Variants in SHISA9 observed in about 807,000 individuals in gnomAD.
The protein encoded by SHISA9 is shisa family member 9.
In SHISA9, 13 loss-of-function variants were observed where a neutral mutation model predicts 38.0. The ratio of observed to expected loss-of-function variants is 0.34; its 90% CI spans 0.22 to 0.54. SHISA9 has a LOEUF of 0.54. Among genes scored for constraint, SHISA9 ranks in the 20% least tolerant of loss-of-function variants. SHISA9 has a pLI of 0.91. For synonymous variants in SHISA9, 275 were observed against 242.0 expected (o/e 1.14, Z -1.27); for missense variants, 538 against 575.8 (o/e 0.93, Z 0.67).
the SHISA9 span, among the ~76,000 whole-genome samples, chr16:13,472,701 A>C: frequency 2.6e-5 from 4 of 152,006 alleles, no homozygotes; most frequent in African/African-American, 9.7e-5. Context: ...CTCTGCTAAA[A>C]TTTTTAAATG....
chr16:13,502,914 C>G, the SHISA9 span, among the ~76,000 whole-genome samples: 1 of 151,834 alleles, frequency 6.6e-6, no homozygotes, highest in Non-Finnish European at 1.5e-5. Context: ...TAAAATAAAT[C>G]TACTGGGAAA....
chr16:13,412,296 T>C, the SHISA9 span, among the ~76,000 whole-genome samples: 1 of 152,080 alleles, frequency 6.6e-6, no homozygotes, highest in Non-Finnish European at 1.5e-5. Context: ...ATGAGTTACA[T>C]GGGCTGGGAG....
chr16:13,396,225 G>A, the SHISA9 span, among the ~76,000 whole-genome samples: 3 of 152,258 alleles, frequency 2.0e-5, no homozygotes, highest in Non-Finnish European at 4.4e-5. Flanking sequence ...TAAATCAATC[G>A]GCCGGATGCA....
intron 2 of SHISA9, among the ~76,000 whole-genome samples, chr16:13,160,576 G>A (rs1283220376): frequency 5.9e-5 from 9 of 152,172 alleles, no homozygotes; most frequent in Admixed American, 3.9e-4. Flanking sequence ...GTTGGGTCAC[G>A]TTTTGTCAAT....
At chr16:13,042,437 G>C (rs568257196) in intron 2 of SHISA9, among the ~76,000 whole-genome samples, 1 of 152,088 alleles carries the variant, frequency 6.6e-6, no homozygotes, top group Non-Finnish European at 1.5e-5. Flanking sequence ...GCTGACCCAG[G>C]CTTCCCAAAC....
the SHISA9 span, among the ~76,000 whole-genome samples, chr16:13,290,951 C>T: frequency 1.3e-5 from 2 of 152,132 alleles, no homozygotes; most frequent in Non-Finnish European, 2.9e-5. Context: ...CCCATTGTAT[C>T]ATAGAGTTCT....
chr16:13,340,337 T>C, the SHISA9 span, among the ~76,000 whole-genome samples: 1 of 152,196 alleles, frequency 6.6e-6, no homozygotes, highest in Non-Finnish European at 1.5e-5. Context: ...TAAAGGAATA[T>C]GGGAACATAT....
At chr16:13,106,447 A>T (rs1385404714) in intron 2 of SHISA9, among the ~76,000 whole-genome samples, 1 of 152,186 alleles carries the variant, frequency 6.6e-6, no homozygotes, top group East Asian at 1.9e-4. Context: ...ATAGGATAAT[A>T]ATACCTACCC....
the SHISA9 span, among the ~76,000 whole-genome samples, chr16:13,299,241 C>T: frequency 1.3e-5 from 2 of 152,206 alleles, no homozygotes; most frequent in African/African-American, 2.4e-5. Context: ...ATTAGCGCTT[C>T]CCTTGTACAG....
At chr16:13,363,354 G>A in the SHISA9 span, among the ~76,000 whole-genome samples, 1 of 152,192 alleles carries the variant, frequency 6.6e-6, no homozygotes, top group Non-Finnish European at 1.5e-5. Context: ...TTTTATTCCA[G>A]GTGCTTGGCA....
the SHISA9 span, among the ~76,000 whole-genome samples, chr16:13,289,337 C>T: frequency 7.4e-6 from 1 of 135,860 alleles, no homozygotes; most frequent in African/African-American, 2.8e-5. Context: ...CCATCTGAGT[C>T]CTGTCTGGCA....
At chr16:13,317,627 C>G in the SHISA9 span, among the ~76,000 whole-genome samples, 3 of 152,166 alleles carry the variant, frequency 2.0e-5, no homozygotes, top group African/African-American at 7.2e-5. Flanking sequence ...CCCCTATGCA[C>G]CTCAGTCCCT....
chr16:13,341,445 GA>G, the SHISA9 span, among the ~76,000 whole-genome samples: 2 of 151,916 alleles, frequency 1.3e-5, no homozygotes, highest in African/African-American at 4.8e-5. Flanking sequence ...GATGGAGATT[GA>G]AAAAAATCCC....
intron 2 of SHISA9, among the ~76,000 whole-genome samples, chr16:13,163,482 A>G (rs2050612440): frequency 6.6e-6 from 1 of 152,048 alleles, no homozygotes; most frequent in Non-Finnish European, 1.5e-5. Flanking sequence ...TGTTATTTTT[A>G]TCTCTGTTTC....
chr16:13,352,503 T>C, the SHISA9 span, among the ~76,000 whole-genome samples: 1 of 152,118 alleles, frequency 6.6e-6, no homozygotes, highest in African/African-American at 2.4e-5. Context: ...ACCTCCTTGT[T>C]ACAATATAAG....
At chr16:13,203,298 G>A (rs2051023980) in intron 2 of SHISA9, 96 bp from the exon 3 acceptor site, 2 of 1,221,396 alleles carry the variant, frequency 1.6e-6, no homozygotes, top group East Asian at 2.8e-5. Flanking sequence ...CCTAAAGGGT[G>A]GGGAGAGTTT....
the SHISA9 span, among the ~76,000 whole-genome samples, chr16:13,336,932 A>G: frequency 1.3e-5 from 2 of 152,228 alleles, no homozygotes; most frequent in African/African-American, 4.8e-5. Context: ...GCAAGAAAAT[A>G]CACAGCTCTC....
At chr16:13,287,857 G>T in the SHISA9 span, among the ~76,000 whole-genome samples, 1 of 152,144 alleles carries the variant, frequency 6.6e-6, no homozygotes, top group Non-Finnish European at 1.5e-5. Flanking sequence ...CTACTTAGTG[G>T]GTATAATAAA....
chr16:13,494,593 A>G, the SHISA9 span, among the ~76,000 whole-genome samples: 2 of 152,324 alleles, frequency 1.3e-5, no homozygotes, highest in East Asian at 1.9e-4. Context: ...TCTACAAGGC[A>G]TCTGGTATGC....
Sources: allele counts gnomAD v4.1 joint callset (sites outside exome capture counted in the v4.1 genomes callset), GRCh38; gene constraint gnomAD v4.1.1; transcripts MANE v1.5; gene names NCBI Gene and HGNC (gene_info 2026-07-23, HGNC 2026-07-21).